Variants in ACOT13 observed in about 807,000 individuals in gnomAD.
ACOT13 encodes acyl-coenzyme A thioesterase 13.
ACOT13 carries 10 observed loss-of-function variants against 11.8 expected under a neutral mutation model. The observed-to-expected ratio is 0.85, with a 90% CI of 0.53 to 1.44. ACOT13 has a LOEUF of 1.44. ACOT13 is among the 40% of genes most tolerant of loss of function. The pLI, the probability that ACOT13 is intolerant of heterozygous loss-of-function variation, is 0.00. For missense variants in ACOT13, 172 were observed against 174.1 expected (o/e 0.99, Z 0.07); for synonymous variants, 53 against 61.0 (o/e 0.87, Z 0.61).
In ACOT13 at chr6:24,701,590, G is replaced by A. The variant is rs1223961445; in HGVS notation, c.398G>A (p.Arg133Lys). ...KATGKLIAQG[R>K]HTKHLGN Reference sequence around the variant, plus strand: ...ACAGGAAAATTAATAGCACAAGGAAGACACACAAAACACCTGGGAAACTGA... The same window carrying A: ...ACAGGAAAATTAATAGCACAAGGAAAACACACAAAACACCTGGGAAACTGA... Residue 133 changes from arginine to lysine, a missense_variant, in exon 3 of 3, where the codon AGA becomes AAA. By Grantham distance (26) the Arg-to-Lys change is conservative. Transcript: ENST00000230048. 3 of 1,612,228 alleles carry A rather than the reference G, an allele frequency of 1.9e-6. No individual in the cohort carries two copies. The highest frequency in any genetic ancestry group is 1.7e-4 in the Middle Eastern group (1 of 6,050).
chr6:24,694,242 T>C (rs1176532582), intron 1 of ACOT13, among the ~76,000 whole-genome samples: 1 of 152,204 alleles, frequency 6.6e-6, no homozygotes, highest in Admixed American at 6.5e-5. Context: ...GTTCTCTGTA[T>C]TGTTAGGCCA....
chr6:24,667,543 T>G lies in ACOT13; in HGVS notation c.81+199T>G, dbSNP rs186047677. 5.9e-4 allele frequency among the ~76,000 whole-genome samples: 90 copies of G among 152,318 alleles called. 1 individual carries two copies. The highest frequency in any genetic ancestry group is 2.0e-3 in the African/African-American group (82 of 41,564). ...GGGTCGAACGCGTAAGTTCTCTATC[T>G]AAACATAGATAAGTATGGTTATGAC... On this transcript the variant is annotated intron_variant, in intron 1 of 2. Transcript: ENST00000230048.
chr6:24,677,988 G>A (rs1778484016), intron 1 of ACOT13, among the ~76,000 whole-genome samples: 1 of 152,232 alleles, frequency 6.6e-6, no homozygotes. Flanking sequence ...AAATTTAAGA[G>A]TGCTTGGGTG....
In ACOT13 at chr6:24,701,505, CAT is replaced by C. The variant is rs756306004; in HGVS notation, c.314_315del (p.His105ArgfsTer53). 8.7e-6 allele frequency: 14 copies of C among 1,612,950 alleles called. No homozygotes were observed. Among genetic ancestry groups the C allele is most frequent in the Admixed American group, 5.0e-5 (3 of 59,956 alleles). On this transcript the variant is annotated frameshift_variant, in exon 3 of 3. Coordinates refer to ENST00000230048, the MANE Select transcript of ACOT13 (RefSeq NM_018473.4). LOFTEE classifies it high-confidence loss of function. ...KLGEDIVITAHVLKQGKTLAF... is the reference protein window; with the variant it reads ...KLGEDIVITAXVLKQGKTLAF... ...AGGAGAAGATATAGTGATTACAGCA[CAT>C]GTTCTGAAGCAAGGAAAAACACTTG...
intron 1 of ACOT13, among the ~76,000 whole-genome samples, chr6:24,679,749 C>G (rs1348185720): frequency 1.3e-5 from 2 of 152,194 alleles, no homozygotes; most frequent in Non-Finnish European, 2.9e-5. Flanking sequence ...GGCGACACTT[C>G]TCTCATTTGG....
rs1007977810 is a variant in ACOT13, at chr6:24,674,543, G to A, written c.81+7199G>A. On this transcript the variant is annotated intron_variant, in intron 1 of 2. Coordinates refer to ENST00000230048, the MANE Select transcript of ACOT13 (RefSeq NM_018473.4). ...CCTGCGTCAGCCTCCTGAGTAGGTG[G>A]GATTACAGGCGCCTGCCACCACGCC... Among the ~76,000 whole-genome samples the A allele has an allele frequency of 5.9e-5, 9 of 151,928 alleles. No individual in the cohort carries two copies. In the East Asian group the frequency reaches 1.5e-3, roughly 26 times the overall value.
rs949982934 is a variant in ACOT13 at position 24,704,354 on chromosome 6, G to C, written c.*2739G>C. ...CAAAATAAAAACGTAAACAATGGCT[G>C]CCAAAATGCCTAACTTGGTGAACAT... On this transcript the variant is annotated 3_prime_UTR_variant, in exon 3 of 3. Coordinates refer to ENST00000230048, the MANE Select transcript of ACOT13 (RefSeq NM_018473.4). 6.6e-6 allele frequency: 1 copy of C among 152,202 alleles called. No homozygotes were observed. Among genetic ancestry groups the C allele is most frequent in the African/African-American group, 2.4e-5 (1 of 41,450 alleles). 9.4% of individuals were successfully genotyped at this position (152,202 alleles called of 1,614,324 possible).
intron 1 of ACOT13, among the ~76,000 whole-genome samples, chr6:24,692,778 A>G (rs1778737548): frequency 6.6e-6 from 1 of 152,222 alleles, no homozygotes; most frequent in African/African-American, 2.4e-5. Context: ...AGTACAGTAC[A>G]TTATCTCTAT....
rs1231566626 is a variant in ACOT13 at position 24,703,743 on chromosome 6, G to C, written c.*2128G>C. ...TAAAGGAACAGGGTATTTGCACATT[G>C]CTTCCCAGAGATTGCTAGTAGTAAG... On this transcript the variant is annotated 3_prime_UTR_variant, in exon 3 of 3. Coordinates refer to ENST00000230048, the MANE Select transcript of ACOT13 (RefSeq NM_018473.4). The C allele has an allele frequency of 6.6e-6, 1 of 152,192 alleles. No individual in the cohort carries two copies. Among genetic ancestry groups the C allele is most frequent in the Non-Finnish European group, 1.5e-5 (1 of 68,038 alleles). The allele number at this position is 152,192 out of a possible 1,614,324, so 9.4% of individuals were successfully genotyped here.
chr6:24,699,259 G>C (rs1421034824), intron 2 of ACOT13, among the ~76,000 whole-genome samples: 1 of 149,496 alleles, frequency 6.7e-6, no homozygotes, highest in Non-Finnish European at 1.5e-5. Flanking sequence ...GCCCAGGCTG[G>C]AGTGCAGTGG....
chr6:24,701,395 G>GA, intron 2 of ACOT13, 64 bp from the exon 3 acceptor site: 3 of 1,454,892 alleles, frequency 2.1e-6, no homozygotes, highest in Non-Finnish European at 2.8e-6. Context: ...ACACTGTTGT[G>GA]AGATGCACAC....
chr6:24,693,968 C>T (rs969716117), intron 1 of ACOT13, among the ~76,000 whole-genome samples: 1 of 152,146 alleles, frequency 6.6e-6, no homozygotes, highest in Non-Finnish European at 1.5e-5. Context: ...AAGTGATCTG[C>T]CTGCCTCGGC....
chr6:24,699,503 C>T (rs1484193050), intron 2 of ACOT13, among the ~76,000 whole-genome samples: 2 of 152,192 alleles, frequency 1.3e-5, no homozygotes, highest in East Asian at 1.9e-4. Flanking sequence ...AGCCACCGCG[C>T]CCAGCCAATG....
chr6:24,688,372 C>T (rs1238966060), intron 1 of ACOT13, among the ~76,000 whole-genome samples: 1 of 151,618 alleles, frequency 6.6e-6, no homozygotes. Flanking sequence ...GATCCCATCT[C>T]TACAAAAAAA....
At chr6:24,686,723 C>T (rs1427358495) in intron 1 of ACOT13, among the ~76,000 whole-genome samples, 1 of 149,514 alleles carries the variant, frequency 6.7e-6, no homozygotes. Flanking sequence ...TTTTTTCTTA[C>T]AGGATCTTAC....
chr6:24,693,700 G>C (rs1419188760), intron 1 of ACOT13, among the ~76,000 whole-genome samples: 1 of 151,970 alleles, frequency 6.6e-6, no homozygotes, highest in East Asian at 1.9e-4. Flanking sequence ...GGGAGAGGGA[G>C]GGTGAGGGGC....
intron 1 of ACOT13, among the ~76,000 whole-genome samples, chr6:24,671,551 T>C (rs760928915): frequency 1.3e-5 from 2 of 152,154 alleles, no homozygotes; most frequent in Non-Finnish European, 2.9e-5. Flanking sequence ...ACATGGCACA[T>C]GTATACATAT....
At chr6:24,674,528 C>T (rs1309150403) in intron 1 of ACOT13, among the ~76,000 whole-genome samples, 3 of 152,128 alleles carry the variant, frequency 2.0e-5, no homozygotes, top group Non-Finnish European at 4.4e-5. Flanking sequence ...CCTGCGTCAG[C>T]CTCCTGAGTA....
At chr6:24,672,082 A>G (rs1423886434) in intron 1 of ACOT13, among the ~76,000 whole-genome samples, 5 of 152,234 alleles carry the variant, frequency 3.3e-5, no homozygotes, top group African/African-American at 9.6e-5. Flanking sequence ...CATAATTTAT[A>G]ATTTGATTTT....
Sources: allele counts gnomAD v4.1 joint callset (sites outside exome capture counted in the v4.1 genomes callset), GRCh38; gene constraint gnomAD v4.1.1; transcripts MANE v1.5; gene names NCBI Gene and HGNC (gene_info 2026-07-23, HGNC 2026-07-21).